The following POU4F1 variants were observed in gnomAD, a reference collection of about 807,000 sequenced individuals.
The protein encoded by POU4F1 is POU domain, class 4, transcription factor 1.
POU4F1 carries 5 observed loss-of-function variants against 19.8 expected under a neutral mutation model. The ratio of observed to expected loss-of-function variants is 0.25; its 90% CI spans 0.13 to 0.53. POU4F1 has a LOEUF of 0.53. POU4F1 is among the 20% of genes least tolerant of loss of function. The probability of loss-of-function intolerance (pLI) is 0.96; values close to 1 mark genes in which losing one functional copy is unlikely to be tolerated. For synonymous variants in POU4F1, 266 were observed against 247.7 expected, an observed-to-expected ratio of 1.07 and a Z score of -0.69; for missense variants, 408 against 511.6, an observed-to-expected ratio of 0.80 and a Z score of 1.95.
Position 78,598,950 on chromosome 13 carries a change from G to T in POU4F1, c.*2465C>A, listed in dbSNP as rs763660750. ...TTTATAAACACAGGCAACTAATATA[G>T]AATTCATTTTATTTAGAGCACCACT... On this transcript the variant is annotated 3_prime_UTR_variant, in exon 2 of 2. Transcript: ENST00000377208. 6 of 152,120 alleles carry T rather than the reference G, an allele frequency of 3.9e-5. No homozygotes were observed. Among genetic ancestry groups the T allele is most frequent in the Non-Finnish European group, 8.8e-5 (6 of 68,004 alleles). The allele number at this position is 152,120 out of a possible 1,614,324, so 9.4% of individuals were successfully genotyped here.
In POU4F1 at chr13:78,598,640, C is replaced by T. The variant is rs1041800924; in HGVS notation, c.*2775G>A. ...ATCTCAACTCTTAAGAAACTTTGTA[C>T]ATTTGGCATCTGATCTAGTCCCAAG... On this transcript the variant is annotated 3_prime_UTR_variant, in exon 2 of 2. Transcript: ENST00000377208. The T allele has an allele frequency of 2.6e-5, 4 of 152,146 alleles. No homozygotes were observed. Among genetic ancestry groups the T allele is most frequent in the Non-Finnish European group, 5.9e-5 (4 of 68,026 alleles). The allele number at this position is 152,146 out of a possible 1,614,324, so 9.4% of individuals were successfully genotyped here. A position where few individuals can be genotyped will look rare whatever the true frequency, so the allele number is the denominator to read the frequency against.
At chr13:78,602,573 C>A in intron 1 of POU4F1, 22 bp from the exon 2 acceptor site, 2 of 1,424,612 alleles carry the variant, frequency 1.4e-6, no homozygotes, top group South Asian at 3.0e-5. Context: ...ACAAACCAAA[C>A]CAAAAAAACC....
chr13:78,601,317 C>T lies in POU4F1; in HGVS notation c.*98G>A, dbSNP rs969541277. On this transcript the variant is annotated 3_prime_UTR_variant, in exon 2 of 2. Coordinates refer to ENST00000377208, the MANE Select transcript of POU4F1 (RefSeq NM_006237.4). ...GACTCCCCAAATGCAGGCAGGATAA[C>T]GGACACTCCAAATCCGAGGGGAGGC... The T allele has an allele frequency of 1.9e-6, 3 of 1,543,122 alleles. No individual in the cohort carries two copies. The highest frequency in any genetic ancestry group is 2.6e-6 in the Non-Finnish European group (3 of 1,147,526).
Position 78,602,272 on chromosome 13 carries a change from C to A in POU4F1, c.403G>T (p.Gly135Cys). 8.5e-7 allele frequency: 1 copy of A among 1,174,738 alleles called. No individual in the cohort carries two copies. The allele number at this position is 1,174,738 out of a possible 1,614,324, so 72.8% of individuals were successfully genotyped here. The change falls in exon 2 of 2, where the codon GGC becomes TGC. Residue 135 changes from glycine (G) to cysteine (C), a missense_variant. Physicochemically the swap from Gly to Cys is radical, Grantham distance 159. Transcript: ENST00000377208. ...GCGCCGCCGCCGCCGGCCGCCGCGC[C>A]CGCGCCGCCCGCGCCGGCCATGAGC... ...LALMAGAGGA[G>C]AAAGGGGAHD...
intron 1 of POU4F1, 30 bp from the exon 2 acceptor site, chr13:78,602,581 A>C (rs768182522): frequency 1.4e-5 from 19 of 1,406,554 alleles, no homozygotes; most frequent in East Asian, 2.8e-5. Flanking sequence ...AACCAAAAAA[A>C]CCACAAAACC....
intron 1 of POU4F1, 143 bp from the exon 2 acceptor site, chr13:78,602,694 G>T (rs117137695): frequency 2.1e-6 from 2 of 945,188 alleles, no homozygotes. Flanking sequence ...GGGTTTGGGG[G>T]CAGTGGAGAG....
Position 78,601,931 on chromosome 13 carries a change from G to A in POU4F1, c.744C>T (p.Ala248=). Residue 248 remains alanine (A), a synonymous_variant, in exon 2 of 2, where the codon GCC becomes GCT. Coordinates refer to ENST00000377208, the MANE Select transcript of POU4F1 (RefSeq NM_006237.4). ...GQVAAASAAA[A]VVGAAGLASI... ...ACGCCAGGCCCGCTGCGCCCACCAC[G>A]GCCGCCGCCGCCGATGCCGCTGCCA... The A allele has an allele frequency of 3.1e-6, 4 of 1,277,886 alleles. No homozygotes were observed. The highest frequency in any genetic ancestry group is 3.9e-6 in the Non-Finnish European group (4 of 1,015,022). 79.2% of individuals were successfully genotyped at this position (1,277,886 alleles called of 1,614,324 possible).
rs1874682045 is a variant in POU4F1 at position 78,601,251 on chromosome 13, AG to A, written c.*163del. The A allele has an allele frequency of 8.6e-7, 1 of 1,168,842 alleles. No individual in the cohort carries two copies. The highest frequency in any genetic ancestry group is 1.1e-6 in the Non-Finnish European group (1 of 879,402). The allele number at this position is 1,168,842 out of a possible 1,614,324, so 72.4% of individuals were successfully genotyped here. Reference sequence around the variant, plus strand: ...CTCAAGGCTAGGGGACAGCAAAGGCAGGAAAATCAGAGAATGGGTGGAGGAA... The same window carrying A: ...CTCAAGGCTAGGGGACAGCAAAGGCAGAAAATCAGAGAATGGGTGGAGGAA... On this transcript the variant is annotated 3_prime_UTR_variant, in exon 2 of 2. Coordinates refer to ENST00000377208, the MANE Select transcript of POU4F1 (RefSeq NM_006237.4).
At position 78,602,222 on chromosome 13, in the gene POU4F1, G is replaced by T. The variant is rs1404837296; in HGVS notation, c.453C>A (p.Gly151=). The change falls in exon 2 of 2, where the codon GGC becomes GGA. Residue 151 remains glycine, a synonymous_variant. Coordinates refer to ENST00000377208, the MANE Select transcript of POU4F1 (RefSeq NM_006237.4). The part of the protein sequence containing the change: ...GGAHDGPGGG[G]GPGGGGGPGG... Reference sequence around the variant, plus strand: ...CCGGGCCGCCGCCGCCGCCCGGGCCGCCACCGCCCCCCGGGCCGTCGTGGG... The same window carrying T: ...CCGGGCCGCCGCCGCCGCCCGGGCCTCCACCGCCCCCCGGGCCGTCGTGGG... The T allele has an allele frequency of 3.3e-6, 3 of 915,740 alleles. No individual in the cohort carries two copies. The highest frequency in any genetic ancestry group is 3.9e-6 in the Non-Finnish European group (3 of 770,620). 56.7% of individuals were successfully genotyped at this position (915,740 alleles called of 1,614,324 possible).
At position 78,602,102 on chromosome 13, in the gene POU4F1, C is replaced by T. The variant is rs1435621825; in HGVS notation, c.573G>A (p.Pro191=). The change falls in exon 2 of 2, where the codon CCG becomes CCA. Residue 191 remains proline (P), a synonymous_variant. Coordinates refer to ENST00000377208, the MANE Select transcript of POU4F1 (RefSeq NM_006237.4). ...ACAGGTGGCCCAGGCTGTGCATATG[C>T]GGGTGAGGGTGCGCGGAGCCGCCCA... is the stretch of plus-strand genomic sequence containing the variant. ...GLLGGSAHPH[P]HMHSLGHLSH... 2.2e-5 allele frequency: 5 copies of T among 222,818 alleles called. No individual in the cohort carries two copies. Among genetic ancestry groups the T allele is most frequent in the African/African-American group, 9.6e-5 (4 of 41,706 alleles). 13.8% of individuals were successfully genotyped at this position (222,818 alleles called of 1,614,324 possible). A position where few individuals can be genotyped will look rare whatever the true frequency, so the allele number is the denominator to read the frequency against.
chr13:78,601,556 G>A lies in POU4F1; in HGVS notation c.1119C>T (p.Tyr373=). ...AAPEKRSLEA[Y]FAVQPRPSSE... The stretch of plus-strand genomic sequence containing the variant: ...ACGAGGGCCGGGGCTGCACGGCGAA[G>A]TAGGCCTCGAGGGAGCGCTTCTCGG... Residue 373 remains tyrosine (Y), a synonymous_variant, in exon 2 of 2, where the codon TAC becomes TAT. Coordinates refer to ENST00000377208, the MANE Select transcript of POU4F1 (RefSeq NM_006237.4). 1.9e-6 allele frequency: 3 copies of A among 1,614,006 alleles called. No individual in the cohort carries two copies. The highest frequency in any genetic ancestry group is 2.5e-6 in the Non-Finnish European group (3 of 1,180,048).
chr13:78,603,187 G>C lies in POU4F1; in HGVS notation c.123+17C>G. The C allele has an allele frequency of 6.9e-7, 1 of 1,450,264 alleles. No homozygotes were observed. The highest frequency in any genetic ancestry group is 9.1e-7 in the Non-Finnish European group (1 of 1,102,554). The allele number at this position is 1,450,264 out of a possible 1,614,324, so 89.8% of individuals were successfully genotyped here. A position where few individuals can be genotyped will look rare whatever the true frequency, so the allele number is the denominator to read the frequency against. On this transcript the variant is annotated intron_variant, in intron 1 of 1. Transcript: ENST00000377208. ...GGGCGGGCGCGCGGGCCGGGGCCGC[G>C]GGCGTGGGGCGCTTACCGGCGGCGT...
Position 78,603,477 on chromosome 13 carries a change from G to T in POU4F1, c.-151C>A. On this transcript the variant is annotated 5_prime_UTR_variant, in exon 1 of 2. Coordinates refer to ENST00000377208, the MANE Select transcript of POU4F1 (RefSeq NM_006237.4). ...GCCGCGGGCTGCTGCTGCTGCTCCT[G>T]CTGCTGCCAGGCGCTCCCTCTGACC... 1 of 1,215,856 alleles carries T rather than the reference G, an allele frequency of 8.2e-7. No homozygotes were observed. The highest frequency in any genetic ancestry group is 1.0e-6 in the Non-Finnish European group (1 of 966,256). The allele number at this position is 1,215,856 out of a possible 1,614,324, so 75.3% of individuals were successfully genotyped here.
intron 1 of POU4F1, 53 bp from the exon 2 acceptor site, chr13:78,602,604 C>A: frequency 7.3e-7 from 1 of 1,373,248 alleles, no homozygotes; most frequent in Non-Finnish European, 9.4e-7. Flanking sequence ...AAGAGCAAAA[C>A]AAAACAACAG....
intron 1 of POU4F1, 126 bp downstream of exon 1, chr13:78,603,078 T>G: frequency 1.4e-6 from 1 of 715,810 alleles, no homozygotes; most frequent in Non-Finnish European, 2.0e-6. Flanking sequence ...GCTGCGGGAC[T>G]GCTCTACACC....
At chr13:78,602,613 A>C (rs1404982147) in intron 1 of POU4F1, 62 bp from the exon 2 acceptor site, 2 of 1,363,468 alleles carry the variant, frequency 1.5e-6, no homozygotes. Context: ...ACAAAACAAC[A>C]GAAGAAACAC....
In POU4F1 at chr13:78,602,515, G is replaced by A; in HGVS notation, c.160C>T (p.Leu54=). ...SNLFASLDET[L]LARAEALAAV... is the part of the protein sequence containing the mutation. ...GCCAGCGCCTCGGCCCGCGCCAGCA[G>A]CGTCTCGTCCAGGCTGGCGAAGAGG... Residue 54 remains leucine (L), a synonymous_variant, in exon 2 of 2, where the codon CTG becomes TTG. Coordinates refer to ENST00000377208, the MANE Select transcript of POU4F1 (RefSeq NM_006237.4). The A allele has an allele frequency of 6.3e-7, 1 of 1,586,622 alleles. No individual in the cohort carries two copies. Among genetic ancestry groups the A allele is most frequent in the Non-Finnish European group, 8.6e-7 (1 of 1,169,412 alleles).
rs771505297 is a variant in POU4F1, at chr13:78,599,879, T to C, written c.*1536A>G. On this transcript the variant is annotated 3_prime_UTR_variant, in exon 2 of 2. Transcript: ENST00000377208. ...CTTGTAAGGTACCTGATTATTACTA[T>C]GAAATACTATACATGATTTTCTATT... The C allele has an allele frequency of 2.1e-4, 32 of 152,658 alleles. No individual in the cohort carries two copies. The highest frequency in any genetic ancestry group is 4.6e-4 in the Non-Finnish European group (31 of 68,042). 9.5% of individuals were successfully genotyped at this position (152,658 alleles called of 1,614,324 possible).
chr13:78,603,530 G>A lies in POU4F1; in HGVS notation c.-204C>T, dbSNP rs1874799171. On this transcript the variant is annotated 5_prime_UTR_variant, in exon 1 of 2. Transcript: ENST00000377208. ...GCAGAGCGCCGCGCGCCGGCCTCGC[G>A]GTCCCGCTTCTCCGACAGCTCTAGC... 9.2e-6 allele frequency: 7 copies of A among 758,834 alleles called. No homozygotes were observed. The highest frequency in any genetic ancestry group is 1.2e-4 in the South Asian group (2 of 16,506). 47.0% of individuals were successfully genotyped at this position (758,834 alleles called of 1,614,324 possible).
Sources: allele counts gnomAD v4.1 joint callset, GRCh38; gene constraint gnomAD v4.1.1; transcripts MANE v1.5; gene names NCBI Gene and HGNC (gene_info 2026-07-23, HGNC 2026-07-21).